IL1RAPL1: variants seen among roughly 807,000 people sequenced by gnomAD.
The protein encoded by IL1RAPL1 is interleukin 1 receptor accessory protein like 1, also known as interleukin-1 receptor accessory protein-like 1.
Under a neutral mutation model 48.4 loss-of-function variants are expected in IL1RAPL1, and 3 were observed. The observed-to-expected ratio is 0.06, with a 90% CI of 0.03 to 0.16. IL1RAPL1 has a LOEUF of 0.16. Ranked by LOEUF, IL1RAPL1 falls within the 10% of genes least tolerant of loss-of-function variation. IL1RAPL1 has a pLI of 1.00. For synonymous variants in IL1RAPL1, 185 were observed against 187.7 expected (o/e 0.99, Z 0.12); for missense variants, 349 against 530.6 (o/e 0.66, Z 3.36).
intron 1 of IL1RAPL1, among the ~76,000 whole-genome samples, chrX:28,719,917 G>T (rs1257422684): frequency 9.0e-6 from 1 of 110,686 alleles, no homozygotes; most frequent in Non-Finnish European, 1.9e-5. Context: ...CATAACATTA[G>T]AGGTACTTTT....
chrX:28,667,209 A>G (rs1168908503), intron 1 of IL1RAPL1, among the ~76,000 whole-genome samples: 2 of 112,021 alleles, frequency 1.8e-5, no homozygotes, highest in African/African-American at 3.2e-5. Context: ...TACAGTGCCT[A>G]CTACCCAAGA....
chrX:28,716,849 G>C (rs769570426), intron 1 of IL1RAPL1, among the ~76,000 whole-genome samples: 1 of 111,543 alleles, frequency 9.0e-6, no homozygotes, highest in Non-Finnish European at 1.9e-5. Context: ...GGGCAAAGGA[G>C]ATGAACAGAC....
chrX:29,712,094 CTTT>C (rs57292754), intron 6 of IL1RAPL1, among the ~76,000 whole-genome samples: 1 of 99,559 alleles, frequency 1.0e-5, no homozygotes. Flanking sequence ...AAATTTTCTT[CTTT>C]TTTTTTTTTG....
At chrX:29,868,471 A>C (rs954421158) in intron 6 of IL1RAPL1, among the ~76,000 whole-genome samples, 1 of 112,179 alleles carries the variant, frequency 8.9e-6, no homozygotes, top group Non-Finnish European at 1.9e-5. Context: ...TGGACTTAAA[A>C]TAATAAATTC....
intron 1 of IL1RAPL1, among the ~76,000 whole-genome samples, chrX:28,721,047 A>T (rs1303151542): frequency 8.9e-6 from 1 of 112,361 alleles, no homozygotes; most frequent in Non-Finnish European, 1.9e-5. Context: ...TAGTGTCACA[A>T]TAAACATACG....
At chrX:28,947,805 T>A (rs1924347830) in intron 2 of IL1RAPL1, among the ~76,000 whole-genome samples, 1 of 111,537 alleles carries the variant, frequency 9.0e-6, no homozygotes, top group African/African-American at 3.3e-5. Context: ...TATAGAGAAA[T>A]ATTCTCAGTA....
At chrX:28,747,290 C>T (rs1935990997) in intron 1 of IL1RAPL1, among the ~76,000 whole-genome samples, 1 of 111,719 alleles carries the variant, frequency 9.0e-6, no homozygotes, top group African/African-American at 3.3e-5. Context: ...CCCATGTACA[C>T]ATGTTAACAA....
At chrX:29,890,582 A>C (rs1321522953) in intron 6 of IL1RAPL1, among the ~76,000 whole-genome samples, 1 of 112,457 alleles carries the variant, frequency 8.9e-6, no homozygotes, top group Admixed American at 9.4e-5. Flanking sequence ...TAATTATGCT[A>C]ACAGCATTTC....
intron 2 of IL1RAPL1, among the ~76,000 whole-genome samples, chrX:29,176,902 CATTTG>C (rs991601111): frequency 6.3e-5 from 7 of 111,247 alleles, no homozygotes; most frequent in African/African-American, 9.8e-5. Context: ...AACCAGAAAG[CATTTG>C]ATTTCAAGAC....
At chrX:29,149,222 A>G (rs768925989) in intron 2 of IL1RAPL1, among the ~76,000 whole-genome samples, 1 of 110,755 alleles carries the variant, frequency 9.0e-6, no homozygotes, top group Non-Finnish European at 1.9e-5. Context: ...TCAGCTACAT[A>G]TGTTTAAAAA....
intron 1 of IL1RAPL1, among the ~76,000 whole-genome samples, chrX:28,665,618 G>A (rs1934867349): frequency 9.1e-6 from 1 of 110,218 alleles, no homozygotes; most frequent in Non-Finnish European, 1.9e-5. Flanking sequence ...AGCCTCCTGT[G>A]GAACTGGGAT....
chrX:28,611,044 A>G (rs1174439008), intron 1 of IL1RAPL1, among the ~76,000 whole-genome samples: 1 of 111,554 alleles, frequency 9.0e-6, no homozygotes, highest in Non-Finnish European at 1.9e-5. Context: ...TTAGTTCAGA[A>G]TGTTACTGAC....
chrX:28,971,130 A>T (rs1044334561), intron 2 of IL1RAPL1, among the ~76,000 whole-genome samples: 13 of 111,397 alleles, frequency 1.2e-4, no homozygotes, highest in Non-Finnish European at 1.7e-4. Flanking sequence ...TGGCCAGGGT[A>T]TGATGGATTA....
At chrX:29,840,819 A>G (rs893825310) in intron 6 of IL1RAPL1, among the ~76,000 whole-genome samples, 28 of 112,009 alleles carry the variant, frequency 2.5e-4, no homozygotes, top group Admixed American at 9.5e-4. Flanking sequence ...ATTGGGATCA[A>G]ATGTTAATAA....
At chrX:29,226,990 GA>G (rs1931094956) in intron 2 of IL1RAPL1, among the ~76,000 whole-genome samples, 1 of 76,737 alleles carries the variant, frequency 1.3e-5, no homozygotes, top group Non-Finnish European at 3.4e-5. Flanking sequence ...AGGAATGGAA[GA>G]TTTTTTTTTT....
At chrX:29,609,214 G>A (rs182084977) in intron 5 of IL1RAPL1, among the ~76,000 whole-genome samples, 17 of 111,104 alleles carry the variant, frequency 1.5e-4, no homozygotes, top group African/African-American at 2.3e-4. Context: ...TTTTCCTTTC[G>A]CCTCAAATTT....
intron 9 of IL1RAPL1, 61 bp from the exon 10 acceptor site, chrX:29,954,461 A>G (rs1052246808): frequency 8.1e-5 from 79 of 974,894 alleles, no homozygotes; most frequent in Non-Finnish European, 1.1e-4. Flanking sequence ...GCATGTTTTC[A>G]TGTCCTATTG....
chrX:29,689,525 A>G (rs1286772776), intron 6 of IL1RAPL1, among the ~76,000 whole-genome samples: 1 of 112,726 alleles, frequency 8.9e-6, no homozygotes, highest in Non-Finnish European at 1.9e-5. Flanking sequence ...GTATGAGTTT[A>G]GGGATGAAGA....
intron 2 of IL1RAPL1, among the ~76,000 whole-genome samples, chrX:29,054,504 C>T (rs1927168744): frequency 9.0e-6 from 1 of 111,247 alleles, no homozygotes. Context: ...TTTATTTGAG[C>T]AGACTGATTC....
Sources: allele counts gnomAD v4.1 joint callset (sites outside exome capture counted in the v4.1 genomes callset), GRCh38; gene constraint gnomAD v4.1.1; transcripts MANE v1.5; gene names NCBI Gene and HGNC (gene_info 2026-07-23, HGNC 2026-07-21).